DGKI: variants seen among roughly 807,000 people sequenced by gnomAD.
The protein encoded by DGKI is diacylglycerol kinase iota, also known as DAG kinase iota.
A neutral mutation model predicts 147.5 loss-of-function variants in DGKI; 55 were observed. That is an observed-to-expected ratio of 0.37 (90% confidence interval 0.30 to 0.47). The LOEUF (loss-of-function observed/expected upper bound fraction) is 0.47, where lower values mean the gene tolerates loss of function less well. Ranked by LOEUF, DGKI falls within the 20% of genes least tolerant of loss-of-function variation. The pLI, the probability that DGKI is intolerant of heterozygous loss-of-function variation, is 1.00. For synonymous variants in DGKI, 469 were observed against 477.1 expected (o/e 0.98, Z 0.22); for missense variants, 1,007 against 1,323.8 (o/e 0.76, Z 3.71).
chr7:137,540,488 C>T (rs1238960380), intron 20 of DGKI, among the ~76,000 whole-genome samples: 1 of 151,920 alleles, frequency 6.6e-6, no homozygotes, highest in Non-Finnish European at 1.5e-5. Context: ...TTTAGTAAGG[C>T]CAATAGGATA....
At chr7:137,573,548 G>A (rs1389715848) in intron 17 of DGKI, among the ~76,000 whole-genome samples, 1 of 152,106 alleles carries the variant, frequency 6.6e-6, no homozygotes, top group Admixed American at 6.5e-5. Context: ...GGGATTACAG[G>A]TGCCCGCCAC....
chr7:137,507,340 T>C (rs569529732), intron 21 of DGKI, among the ~76,000 whole-genome samples: 156 of 152,326 alleles, frequency 1.0e-3, no homozygotes, highest in Non-Finnish European at 1.8e-3. Flanking sequence ...GTAGTTTTCA[T>C]TGGATTCTAT....
intron 32 of DGKI, among the ~76,000 whole-genome samples, chr7:137,391,773 T>G (rs1306370405): frequency 6.6e-6 from 1 of 152,176 alleles, no homozygotes; most frequent in East Asian, 1.9e-4. Context: ...ACTCTTTCTA[T>G]TATTCTAAAC....
intron 23 of DGKI, among the ~76,000 whole-genome samples, chr7:137,480,239 G>A (rs984055783): frequency 6.6e-6 from 1 of 152,176 alleles, no homozygotes. Context: ...TAGTCCAAAG[G>A]AATGGCATTC....
In DGKI at chr7:137,390,953, C is replaced by T. The variant is rs540614689; in HGVS notation, c.*267G>A. The T allele has an allele frequency of 6.5e-6, 3 of 458,450 alleles. No homozygotes were observed. The highest frequency in any genetic ancestry group is 2.0e-5 in the African/African-American group (1 of 49,190). 28.4% of individuals were successfully genotyped at this position (458,450 alleles called of 1,614,324 possible). ...CAGGTGAACACAGAAGTTCATGCTA[C>T]TTGCTGGAAGCAATAAGGATCAAAT... On this transcript the variant is annotated 3_prime_UTR_variant, in exon 33 of 33. Coordinates refer to ENST00000614521, the MANE Select transcript of DGKI (RefSeq NM_001321708.2).
chr7:137,606,164 T>C (rs1820178655), intron 10 of DGKI, among the ~76,000 whole-genome samples: 1 of 152,154 alleles, frequency 6.6e-6, no homozygotes, highest in Non-Finnish European at 1.5e-5. Flanking sequence ...GAAGCAGTCC[T>C]TACACGGTTC....
At chr7:137,681,395 A>G (rs1279361616) in intron 2 of DGKI, among the ~76,000 whole-genome samples, 1 of 152,242 alleles carries the variant, frequency 6.6e-6, no homozygotes, top group Non-Finnish European at 1.5e-5. Context: ...ATGGATGATG[A>G]CAACACTTTA....
At chr7:137,609,208 G>T in intron 9 of DGKI, 144 bp from the exon 10 acceptor site, 2 of 635,700 alleles carry the variant, frequency 3.1e-6, no homozygotes, top group Non-Finnish European at 5.5e-6. Flanking sequence ...AGGCTTGGAA[G>T]AAAGTATCTC....
At chr7:137,831,421 C>T (rs545812766) in intron 1 of DGKI, among the ~76,000 whole-genome samples, 11 of 152,158 alleles carry the variant, frequency 7.2e-5, no homozygotes, top group Admixed American at 1.3e-4. Flanking sequence ...TCGTGGCAGA[C>T]GGCAAGGAGG....
chr7:137,597,940 A>G (rs778470647), intron 11 of DGKI, 33 bp from the exon 12 acceptor site: 51 of 1,596,810 alleles, frequency 3.2e-5, no homozygotes, highest in Non-Finnish European at 3.8e-5. Flanking sequence ...AGTAAACAAA[A>G]GAACATTTCA....
At chr7:137,660,896 G>C (rs1392681861) in intron 3 of DGKI, among the ~76,000 whole-genome samples, 9 of 151,922 alleles carry the variant, frequency 5.9e-5, no homozygotes, top group Admixed American at 5.9e-4. Context: ...AGGAGAAGAG[G>C]GGTGGGTCCT....
intron 20 of DGKI, among the ~76,000 whole-genome samples, chr7:137,549,845 T>C (rs1476256744): frequency 6.6e-6 from 1 of 152,152 alleles, no homozygotes; most frequent in East Asian, 1.9e-4. Flanking sequence ...GGTTAGAAGG[T>C]AAATAAGATC....
intron 30 of DGKI, among the ~76,000 whole-genome samples, chr7:137,401,825 G>T (rs544341521): frequency 6.6e-6 from 1 of 152,190 alleles, no homozygotes; most frequent in African/African-American, 2.4e-5. Flanking sequence ...TATGGGTGCA[G>T]ATTTCTCCAT....
intron 3 of DGKI, among the ~76,000 whole-genome samples, chr7:137,675,996 C>T (rs1280135360): frequency 2.6e-5 from 4 of 152,208 alleles, no homozygotes; most frequent in Non-Finnish European, 4.4e-5. Flanking sequence ...AAGCTTCCAT[C>T]CCCTAAACCA....
chr7:137,648,738 G>A (rs979521037), intron 5 of DGKI, among the ~76,000 whole-genome samples: 3 of 152,132 alleles, frequency 2.0e-5, no homozygotes, highest in African/African-American at 7.2e-5. Context: ...GGTTGACCTT[G>A]GGTAATTGAA....
chr7:137,455,629 TA>T (rs201842784), intron 27 of DGKI, among the ~76,000 whole-genome samples: 14 of 71,996 alleles, frequency 1.9e-4, no homozygotes, highest in African/African-American at 5.8e-4. Context: ...CCAGAAAAGT[TA>T]AAAAAAAAAG....
chr7:137,429,231 C>A (rs1054321380), intron 28 of DGKI, among the ~76,000 whole-genome samples: 10 of 150,954 alleles, frequency 6.6e-5, no homozygotes, highest in African/African-American at 1.9e-4. Flanking sequence ...CAGAACAGGG[C>A]CCTCAGAAAT....
chr7:137,818,907 G>A (rs932705302), intron 1 of DGKI, among the ~76,000 whole-genome samples: 3 of 152,118 alleles, frequency 2.0e-5, no homozygotes, highest in African/African-American at 7.2e-5. Flanking sequence ...TAGAAATAAC[G>A]TTAAACTTTA....
chr7:137,724,027 G>A (rs1408550453), intron 1 of DGKI, among the ~76,000 whole-genome samples: 1 of 151,834 alleles, frequency 6.6e-6, no homozygotes, highest in African/African-American at 2.4e-5. Context: ...CTTTTGATAA[G>A]GTATCATGAC....
Sources: allele counts gnomAD v4.1 joint callset (sites outside exome capture counted in the v4.1 genomes callset), GRCh38; gene constraint gnomAD v4.1.1; transcripts MANE v1.5; gene names NCBI Gene and HGNC (gene_info 2026-07-23, HGNC 2026-07-21).